The following B4GALT1 variants were observed in gnomAD, a reference collection of about 807,000 sequenced individuals.
B4GALT1 encodes beta-1,4-galactosyltransferase 1.
A neutral mutation model predicts 34.9 loss-of-function variants in B4GALT1; 16 were observed. The ratio of observed to expected loss-of-function variants is 0.46; its 90% CI spans 0.31 to 0.70. B4GALT1 has a LOEUF of 0.70. Among genes scored for constraint, B4GALT1 ranks in the 30% least tolerant of loss-of-function variants. The pLI is 0.05. For synonymous variants in B4GALT1, 221 were observed against 218.1 expected (o/e 1.01, Z -0.12); for missense variants, 445 against 530.5 (o/e 0.84, Z 1.58).
At chr9:33,156,766 C>G (rs527780207) in intron 1 of B4GALT1, among the ~76,000 whole-genome samples, 1 of 152,322 alleles carries the variant, frequency 6.6e-6, no homozygotes, top group South Asian at 2.1e-4. Flanking sequence ...TGGATGGCTA[C>G]ATGCAGTGTT....
At position 33,167,321 on chromosome 9, in the gene B4GALT1, A is replaced by T; in HGVS notation, c.-152T>A. On this transcript the variant is annotated 5_prime_UTR_variant, in exon 1 of 6. Coordinates refer to ENST00000379731, the MANE Select transcript of B4GALT1 (RefSeq NM_001497.4). ...GCTGAGAGCTGAGACTCCTCCAGCCAGCCAGACCTGGGAGCGGCGAGAAGC... is the reference window on the plus strand; with the variant it reads ...GCTGAGAGCTGAGACTCCTCCAGCCTGCCAGACCTGGGAGCGGCGAGAAGC... The T allele has an allele frequency of 9.6e-7, 1 of 1,038,154 alleles. No individual in the cohort carries two copies. The highest frequency in any genetic ancestry group is 1.3e-6 in the Non-Finnish European group (1 of 789,076). 64.3% of individuals were successfully genotyped at this position (1,038,154 alleles called of 1,614,324 possible).
At chr9:33,105,116 G>A (rs570570519) in intron 2 of B4GALT1, among the ~76,000 whole-genome samples, 12 of 151,954 alleles carry the variant, frequency 7.9e-5, no homozygotes, top group East Asian at 7.7e-4. Flanking sequence ...CACTCACTGC[G>A]CCCGGCCTCC....
In B4GALT1 at chr9:33,126,712, C is replaced by G. The variant is rs967882079; in HGVS notation, c.649-6106G>C. 2.5e-4 allele frequency among the ~76,000 whole-genome samples: 10 copies of G among 39,376 alleles called. 1 individual carries two copies. The highest frequency in any genetic ancestry group is 6.5e-4 in the Non-Finnish European group (9 of 13,744). 25.8% of individuals were successfully genotyped at this position (39,376 alleles called of 152,430 possible). On this transcript the variant is annotated intron_variant, in intron 2 of 5. Coordinates refer to ENST00000379731, the MANE Select transcript of B4GALT1 (RefSeq NM_001497.4). ...AAAACTTGGATCTGAGATTTAAACTCTTCACCCCAGTGAGTGAGAGAGATG... is the reference window on the plus strand; with the variant it reads ...AAAACTTGGATCTGAGATTTAAACTGTTCACCCCAGTGAGTGAGAGAGATG...
At chr9:33,160,070 T>G (rs1840652814) in intron 1 of B4GALT1, among the ~76,000 whole-genome samples, 1 of 152,238 alleles carries the variant, frequency 6.6e-6, no homozygotes, top group Admixed American at 6.5e-5. Flanking sequence ...CAGCAATAAG[T>G]GATACTCATC....
intron 1 of B4GALT1, among the ~76,000 whole-genome samples, chr9:33,150,328 G>A (rs78005869): frequency 4.6e-5 from 7 of 151,112 alleles, no homozygotes; most frequent in Non-Finnish European, 1.0e-4. Flanking sequence ...AACATTTAGG[G>A]ACTCCAAAGG....
At chr9:33,147,893 G>T (rs547953951) in intron 1 of B4GALT1, among the ~76,000 whole-genome samples, 1 of 152,220 alleles carries the variant, frequency 6.6e-6, no homozygotes, top group African/African-American at 2.4e-5. Flanking sequence ...AATTAGCCAA[G>T]TCTGGTGGTG....
chr9:33,137,728 G>A (rs1840291298), intron 1 of B4GALT1, among the ~76,000 whole-genome samples: 1 of 152,176 alleles, frequency 6.6e-6, no homozygotes, highest in Admixed American at 6.5e-5. Flanking sequence ...GGCAAGCTGG[G>A]TAGTAGGGCT....
Position 33,115,975 on chromosome 9 carries a change from A to C in B4GALT1, c.959+16T>G. ...AGGTTGACAGAGGAGAAAGATATCT[A>C]AGTTATGACCATTACCTGTTAAAAA... On this transcript the variant is annotated intron_variant, in intron 4 of 5. Transcript: ENST00000379731. 1 of 1,607,462 alleles carries C rather than the reference A, an allele frequency of 6.2e-7. No homozygotes were observed. Among genetic ancestry groups the C allele is most frequent in the Non-Finnish European group, 8.5e-7 (1 of 1,175,526 alleles).
At chr9:33,163,783 G>A (rs1840709461) in intron 1 of B4GALT1, among the ~76,000 whole-genome samples, 1 of 152,194 alleles carries the variant, frequency 6.6e-6, no homozygotes, top group East Asian at 1.9e-4. Flanking sequence ...CCCCGCTGAG[G>A]ACCTGAGACA....
intron 2 of B4GALT1, among the ~76,000 whole-genome samples, chr9:33,129,455 G>C (rs1840161290): frequency 6.6e-6 from 1 of 152,172 alleles, no homozygotes; most frequent in Admixed American, 6.5e-5. Flanking sequence ...GGGAACGGAG[G>C]CTTCACTTCC....
chr9:33,113,487 G>T lies in B4GALT1; in HGVS notation c.1164C>A (p.Thr388=), dbSNP rs1306951523. The part of the protein sequence containing the change: ...VLDVQRYPLY[T]QITVDIGTPS ...GTGTCCCGATGTCCACTGTGATTTG[G>T]GTATACAATGGGTATCTCTGTACAT... is the stretch of plus-strand genomic sequence containing the variant. Residue 388 remains threonine, a synonymous_variant, in exon 6 of 6, where the codon ACC becomes ACA. Transcript: ENST00000379731. 1 of 1,614,168 alleles carries T rather than the reference G, an allele frequency of 6.2e-7. No homozygotes were observed. Among genetic ancestry groups the T allele is most frequent in the Non-Finnish European group, 8.5e-7 (1 of 1,180,034 alleles).
At chr9:33,131,010 C>T (rs528461464) in intron 2 of B4GALT1, among the ~76,000 whole-genome samples, 2 of 152,258 alleles carry the variant, frequency 1.3e-5, no homozygotes, top group East Asian at 3.9e-4. Flanking sequence ...TCATAACCCT[C>T]CCCACCAAGG....
At chr9:33,124,557 C>T (rs1395832374) in intron 2 of B4GALT1, among the ~76,000 whole-genome samples, 1 of 152,120 alleles carries the variant, frequency 6.6e-6, no homozygotes, top group African/African-American at 2.4e-5. Flanking sequence ...GAAGACCCAG[C>T]CCGGGGAGGC....
chr9:33,135,125 CACACATCTGAT>C, intron 2 of B4GALT1, 53 bp downstream of exon 2: 2 of 1,493,878 alleles, frequency 1.3e-6, no homozygotes, highest in East Asian at 2.3e-5. Context: ...CCTCATTACA[CACACATCTGAT>C]ACACATCTGC....
At chr9:33,148,148 C>G (rs929912095) in intron 1 of B4GALT1, among the ~76,000 whole-genome samples, 7 of 152,008 alleles carry the variant, frequency 4.6e-5, no homozygotes, top group African/African-American at 1.4e-4. Flanking sequence ...TGCATATCTT[C>G]AAGAAAAATA....
chr9:33,136,336 C>T (rs1587738520), intron 1 of B4GALT1, among the ~76,000 whole-genome samples: 1 of 152,048 alleles, frequency 6.6e-6, no homozygotes, highest in African/African-American at 2.4e-5. Context: ...ATGAGGAAAA[C>T]GTCACATACC....
chr9:33,173,880 T>G, the B4GALT1 span, among the ~76,000 whole-genome samples: 1 of 152,062 alleles, frequency 6.6e-6, no homozygotes, highest in Admixed American at 6.5e-5. Flanking sequence ...GGGGCTCCCA[T>G]TGGCCAAATA....
upstream of B4GALT1, among the ~76,000 whole-genome samples, chr9:33,172,121 AAAG>A (rs1254387711): frequency 3.7e-4 from 57 of 152,332 alleles, no homozygotes; most frequent in African/African-American, 1.3e-3. Flanking sequence ...GTTTTTGAGA[AAAG>A]AAAAGCTTTG....
intron 2 of B4GALT1, among the ~76,000 whole-genome samples, chr9:33,128,759 T>C (rs893566515): frequency 2.6e-5 from 4 of 151,892 alleles, no homozygotes; most frequent in South Asian, 2.1e-4. Flanking sequence ...ATGATCAAGA[T>C]AGAAACCAAA....
Sources: allele counts gnomAD v4.1 joint callset (sites outside exome capture counted in the v4.1 genomes callset), GRCh38; gene constraint gnomAD v4.1.1; transcripts MANE v1.5; gene names NCBI Gene and HGNC (gene_info 2026-07-23, HGNC 2026-07-21).